PCBP2: variants seen among roughly 807,000 people sequenced by gnomAD.
The protein encoded by PCBP2 is poly(rC) binding protein 2, also known as poly(rC)-binding protein 2.
A neutral mutation model predicts 50.1 loss-of-function variants in PCBP2; 4 were observed. The ratio of observed to expected loss-of-function variants is 0.08; its 90% CI spans 0.04 to 0.18. PCBP2 has a LOEUF of 0.18. Ranked by LOEUF, PCBP2 falls within the 10% of genes least tolerant of loss-of-function variation. The pLI, the probability that PCBP2 is intolerant of heterozygous loss-of-function variation, is 1.00. For synonymous variants in PCBP2, 179 were observed against 168.0 expected, an observed-to-expected ratio of 1.07 and a Z score of -0.51; for missense variants, 161 against 474.3, an observed-to-expected ratio of 0.34 and a Z score of 6.14.
intron 2 of PCBP2, among the ~76,000 whole-genome samples, 165 bp from the exon 3 acceptor site, chr12:53,455,182 G>C (rs1275250492): frequency 6.6e-6 from 1 of 152,156 alleles, no homozygotes; most frequent in African/African-American, 2.4e-5. Context: ...CCAATCTTTT[G>C]GGGTAATAAT....
At chr12:53,464,676 C>A in intron 8 of PCBP2, 84 bp from the exon 9 acceptor site, 4 of 1,532,146 alleles carry the variant, frequency 2.6e-6, no homozygotes, top group Non-Finnish European at 3.5e-6. Flanking sequence ...AAAAAATAAA[C>A]AACTTTTTTT....
In PCBP2 at chr12:53,467,220, G is replaced by C; in HGVS notation, c.715-1G>C. 1 of 1,612,950 alleles carries C rather than the reference G, an allele frequency of 6.2e-7. No individual in the cohort carries two copies. Among genetic ancestry groups the C allele is most frequent in the Non-Finnish European group, 8.5e-7 (1 of 1,179,090 alleles). On this transcript the variant is annotated splice_acceptor_variant, in intron 10 of 14. Transcript: ENST00000546463. LOFTEE classifies it high-confidence loss of function. Reference sequence around the variant, plus strand: ...GCCAACCTCCTGTTTCCTCCTTGCAGTTGACCAAGCTGCACCAGTTGGCAA... The same window carrying C: ...GCCAACCTCCTGTTTCCTCCTTGCACTTGACCAAGCTGCACCAGTTGGCAA...
intron 8 of PCBP2, among the ~76,000 whole-genome samples, chr12:53,463,260 G>C (rs1426830038): frequency 6.6e-6 from 1 of 152,148 alleles, no homozygotes; most frequent in African/African-American, 2.4e-5. Flanking sequence ...CTTGATCTTT[G>C]GCACGTGGAC....
chr12:53,474,736 C>G (rs1366812573), intron 14 of PCBP2: 1 of 334,110 alleles, frequency 3.0e-6, no homozygotes, highest in African/African-American at 2.2e-5. Flanking sequence ...CAAGTTGACA[C>G]TAGGTCTTCC....
At chr12:53,457,706 A>T (rs956135269) in intron 5 of PCBP2, among the ~76,000 whole-genome samples, 2 of 152,106 alleles carry the variant, frequency 1.3e-5, no homozygotes, top group African/African-American at 2.4e-5. Flanking sequence ...TTTATTCCTT[A>T]ACCAAGGAAT....
In PCBP2 at chr12:53,471,672, A is replaced by C; in HGVS notation, c.917A>C (p.Lys306Thr). 1 of 1,613,660 alleles carries C rather than the reference A, an allele frequency of 6.2e-7. No homozygotes were observed. Among genetic ancestry groups the C allele is most frequent in the Non-Finnish European group, 8.5e-7 (1 of 1,179,858 alleles). Reference protein sequence around the residue: ...IGCIIGRQGAKINEIRQMSGA... With the variant: ...IGCIIGRQGATINEIRQMSGA... ...TGCATAATCGGGCGTCAAGGCGCCA[A>C]AATCAATGAGATCCGTCAGATGTCT... The change falls in exon 14 of 15, where the codon AAA becomes ACA. Residue 306 changes from lysine (K) to threonine (T), a missense_variant. By Grantham distance (78) the Lys-to-Thr change is moderately conservative (BLOSUM62 -1). Around this residue, in one of 7 missense-constraint regions of PCBP2, gnomAD observed 51 missense variants for 193.0 expected, o/e 0.26. Transcript: ENST00000546463.
intron 5 of PCBP2, among the ~76,000 whole-genome samples, chr12:53,458,422 C>CA (rs1421409557): frequency 6.6e-6 from 1 of 151,810 alleles, no homozygotes. Context: ...TCTCCTGCCT[C>CA]AGTCTCCCGA....
intron 13 of PCBP2, among the ~76,000 whole-genome samples, chr12:53,470,718 G>C (rs1180308816): frequency 3.3e-5 from 5 of 151,328 alleles, no homozygotes; most frequent in Non-Finnish European, 7.4e-5. Flanking sequence ...TGCTGTCCAG[G>C]GTCATATTTT....
At chr12:53,468,589 C>A in intron 12 of PCBP2, 188 bp from the exon 13 acceptor site, 1 of 593,652 alleles carries the variant, frequency 1.7e-6, no homozygotes, top group Non-Finnish European at 3.0e-6. Flanking sequence ...ACAGAAGAAC[C>A]TTTCGAGCAT....
intron 5 of PCBP2, among the ~76,000 whole-genome samples, chr12:53,458,392 TC>T (rs374530032): frequency 4.1e-4 from 61 of 148,972 alleles, no homozygotes; most frequent in African/African-American, 1.4e-3. Flanking sequence ...AGCAACCTCT[TC>T]CTCCCGGATT....
intron 2 of PCBP2, 80 bp downstream of exon 2, chr12:53,454,949 C>T: frequency 8.5e-7 from 1 of 1,179,262 alleles, no homozygotes; most frequent in African/African-American, 1.5e-5. Context: ...TCTTGGAGCT[C>T]ATCAGATTAG....
intron 5 of PCBP2, among the ~76,000 whole-genome samples, chr12:53,456,767 A>G (rs1433825418): frequency 1.3e-5 from 2 of 152,054 alleles, no homozygotes; most frequent in Non-Finnish European, 2.9e-5. Flanking sequence ...TCCCCCACCA[A>G]CCTTCAGAGG....
At chr12:53,470,378 C>CAAAAAAAAAAAAAAA (rs754350790) in intron 13 of PCBP2, among the ~76,000 whole-genome samples, 8 of 47,364 alleles carry the variant, frequency 1.7e-4, no homozygotes, top group African/African-American at 8.0e-4. Flanking sequence ...CTCCGTCTCT[C>CAAAAAAAAAAAAAAA]AAAAAAAAAA....
At chr12:53,477,270 G>A (rs565471889) in intron 14 of PCBP2, among the ~76,000 whole-genome samples, 2 of 152,122 alleles carry the variant, frequency 1.3e-5, no homozygotes, top group East Asian at 1.9e-4. Context: ...TCCTTTCTTA[G>A]ACCTTCAGTT....
chr12:53,476,569 T>C lies in PCBP2; in HGVS notation c.1053-2837T>C, dbSNP rs1942598544. Among the ~76,000 whole-genome samples the C allele has an allele frequency of 2.0e-5, 3 of 152,052 alleles. 1 individual carries two copies. The South Asian group carries it at 6.2e-4, about 32-fold the overall frequency. ...ACACGTTGCCACAGTGCTGAAAGTG[T>C]AATGCTCTTCCCAGGGCATTAGAGA... On this transcript the variant is annotated intron_variant, in intron 14 of 14. Coordinates refer to ENST00000546463, the MANE Select transcript of PCBP2 (RefSeq NM_031989.5).
chr12:53,461,582 T>G (rs1003659530), intron 7 of PCBP2, among the ~76,000 whole-genome samples: 1 of 152,212 alleles, frequency 6.6e-6, no homozygotes, highest in African/African-American at 2.4e-5. Flanking sequence ...TGATGATGTT[T>G]CCGAATGACT....
chr12:53,454,842 C>T lies in PCBP2; in HGVS notation c.42C>T (p.Leu14=). ...TTGAAGGTGGATTAAATGTCACTCT[C>T]ACCATCCGGCTACTTATGCATGGAA... is the stretch of plus-strand genomic sequence containing the variant. ...GVIEGGLNVT[L]TIRLLMHGKE... Residue 14 remains leucine (L), a synonymous_variant, in exon 2 of 15, where the codon CTC becomes CTT. Coordinates refer to ENST00000546463, the MANE Select transcript of PCBP2 (RefSeq NM_031989.5). 5 of 1,614,148 alleles carry T rather than the reference C, an allele frequency of 3.1e-6. No individual in the cohort carries two copies. Among genetic ancestry groups the T allele is most frequent in the Middle Eastern group, 1.6e-4 (1 of 6,062 alleles).
At chr12:53,456,050 G>C (rs774164864) in intron 5 of PCBP2, 49 bp downstream of exon 5, 2 of 1,129,222 alleles carry the variant, frequency 1.8e-6, no homozygotes, top group Non-Finnish European at 2.7e-6. Flanking sequence ...TGCTTCCAGA[G>C]AGCTTGTTGA....
rs1941645257 is a variant in PCBP2, at chr12:53,464,151, A to G, written c.580-609A>G. On this transcript the variant is annotated intron_variant, in intron 8 of 14. Transcript: ENST00000546463. The stretch of plus-strand genomic sequence containing the variant: ...CCTTAGGAGTTTTTCTTTCCCAGGA[A>G]CTCCAGGTTCCTGCTCTTCTGGATT... Among the ~76,000 whole-genome samples, 3 of 151,514 alleles carry G rather than the reference A, an allele frequency of 2.0e-5. No individual in the cohort carries two copies. The South Asian group carries it at 6.3e-4, about 32-fold the overall frequency.
Sources: gnomAD v4.1 joint callset for allele counts (sites outside exome capture counted in the v4.1 genomes callset) on GRCh38, gnomAD v4.1.1 for gene constraint, gnomAD v4.1.1 regional missense constraint, MANE v1.5 for transcripts, NCBI Gene and HGNC (gene_info 2026-07-23, HGNC 2026-07-21) for gene names.